The following NEK1 variants were observed in gnomAD, a reference collection of about 807,000 sequenced individuals.
The protein encoded by NEK1 is serine/threonine-protein kinase Nek1.
In NEK1, 137 loss-of-function variants were observed where a neutral mutation model predicts 182.1. That is an observed-to-expected ratio of 0.75 (90% CI 0.65 to 0.87). NEK1 has a LOEUF of 0.87. Among genes scored for constraint, NEK1 ranks in the 40% least tolerant of loss-of-function variants. NEK1 has a pLI of 0.00. For missense variants in NEK1, 1,391 were observed against 1,494.4 expected (o/e 0.93, Z 1.14); for synonymous variants, 513 against 492.2 (o/e 1.04, Z -0.56).
intron 28 of NEK1, among the ~76,000 whole-genome samples, chr4:169,437,161 G>A (rs369295924): frequency 9.9e-5 from 15 of 152,080 alleles, no homozygotes; most frequent in African/African-American, 1.4e-4. Context: ...CCTTGTTTTC[G>A]AAAAGGTGTC....
At chr4:169,477,983 G>A (rs1747284808) in intron 24 of NEK1, among the ~76,000 whole-genome samples, 1 of 152,020 alleles carries the variant, frequency 6.6e-6, no homozygotes, top group African/African-American at 2.4e-5. Flanking sequence ...AGTACTAAAT[G>A]TAATTGAGAA....
At chr4:169,578,677 A>C (rs1766106012) in intron 11 of NEK1, among the ~76,000 whole-genome samples, 3 of 152,182 alleles carry the variant, frequency 2.0e-5, no homozygotes, top group Admixed American at 2.0e-4. Flanking sequence ...AATTGGGGTA[A>C]TTTTTCTTTT....
chr4:169,432,061 TAA>T (rs1035888100), intron 29 of NEK1, among the ~76,000 whole-genome samples: 1 of 144,338 alleles, frequency 6.9e-6, no homozygotes, highest in Non-Finnish European at 1.5e-5. Flanking sequence ...ACGACTAAAT[TAA>T]AAAAAAAAGG....
At chr4:169,505,468 C>T (rs1753091778) in intron 23 of NEK1, among the ~76,000 whole-genome samples, 1 of 152,146 alleles carries the variant, frequency 6.6e-6, no homozygotes, top group Admixed American at 6.5e-5. Flanking sequence ...TGTAAGAATA[C>T]AGCATATAAT....
chr4:169,419,336 G>GA (rs1012373385), intron 31 of NEK1, among the ~76,000 whole-genome samples: 19 of 146,444 alleles, frequency 1.3e-4, no homozygotes, highest in East Asian at 4.0e-4. Context: ...AACAAAATCT[G>GA]AAAAAAAAAA....
At chr4:169,474,314 G>C (rs558737579) in intron 26 of NEK1, among the ~76,000 whole-genome samples, 5 of 152,122 alleles carry the variant, frequency 3.3e-5, no homozygotes, top group African/African-American at 7.2e-5. Context: ...AAACCAATTA[G>C]GTTTTAAAAT....
chr4:169,472,341 C>T (rs1746147551), intron 26 of NEK1, among the ~76,000 whole-genome samples: 1 of 152,114 alleles, frequency 6.6e-6, no homozygotes, highest in Non-Finnish European at 1.5e-5. Context: ...TCAGATAGCA[C>T]CGTCCCTCAC....
intron 18 of NEK1, among the ~76,000 whole-genome samples, chr4:169,541,895 C>G (rs1759485547): frequency 6.6e-6 from 1 of 152,156 alleles, no homozygotes; most frequent in African/African-American, 2.4e-5. Context: ...GAACAGTCCT[C>G]ATATCTGACC....
In NEK1 at chr4:169,418,280, C is replaced by G. The variant is rs192611486; in HGVS notation, c.3222+6273G>C. 4.7e-4 allele frequency among the ~76,000 whole-genome samples: 72 copies of G among 152,240 alleles called. 1 individual carries two copies. Among genetic ancestry groups the G allele is most frequent in the Admixed American group, 2.4e-3 (36 of 15,278 alleles). On this transcript the variant is annotated intron_variant, in intron 31 of 35. Transcript: ENST00000507142. ...CAAAGTTTAAAAGTGTAAAATAGAT[C>G]CACAAGTAACTTGACTAACTTAAAC...
intron 31 of NEK1, among the ~76,000 whole-genome samples, chr4:169,422,804 T>C (rs2111311435): frequency 1.3e-5 from 2 of 152,314 alleles, no homozygotes; most frequent in South Asian, 4.1e-4. Flanking sequence ...CAATCAAATG[T>C]ATTATGCAAA....
At chr4:169,580,650 A>T (rs1766482850) in intron 11 of NEK1, among the ~76,000 whole-genome samples, 192 bp downstream of exon 11, 2 of 152,170 alleles carry the variant, frequency 1.3e-5, no homozygotes, top group South Asian at 4.1e-4. Context: ...TAAAATGAAC[A>T]ATAAATGAGA....
rs1365761943 is a variant in NEK1, at chr4:169,477,131, T to G, written c.2427A>C (p.Thr809=). 6.3e-7 allele frequency: 1 copy of G among 1,589,896 alleles called. No homozygotes were observed. Among genetic ancestry groups the G allele is most frequent in the Non-Finnish European group, 8.6e-7 (1 of 1,165,078 alleles). The change falls in exon 26 of 36, where the codon ACA becomes ACC. Residue 809 remains threonine, a synonymous_variant. Coordinates refer to ENST00000507142, the MANE Select transcript of NEK1 (RefSeq NM_001199397.3). ...ATATACTACTATACATACTTTCAGT[T>G]GTAGAGAAGGATGTATCTAGTGTTA... ...DELTLDTSFS[T]TERHTVGEVI...
intron 11 of NEK1, among the ~76,000 whole-genome samples, 158 bp downstream of exon 11, chr4:169,580,684 G>A (rs571122070): frequency 6.6e-6 from 1 of 151,662 alleles, no homozygotes; most frequent in Non-Finnish European, 1.5e-5. Context: ...ATAAGAAACT[G>A]TATATTGCCA....
intron 5 of NEK1, among the ~76,000 whole-genome samples, chr4:169,594,689 C>A (rs1769133195): frequency 6.6e-6 from 1 of 152,134 alleles, no homozygotes; most frequent in Admixed American, 6.5e-5. Flanking sequence ...AAAAAATTTT[C>A]AGGATACTTC....
chr4:169,430,248 TC>T (rs1171119537), intron 29 of NEK1, among the ~76,000 whole-genome samples: 1 of 152,128 alleles, frequency 6.6e-6, no homozygotes, highest in Non-Finnish European at 1.5e-5. Context: ...AGTGGCGCAA[TC>T]TTGGCTCACC....
intron 18 of NEK1, among the ~76,000 whole-genome samples, chr4:169,545,379 CT>C (rs1451436274): frequency 3.3e-5 from 5 of 151,772 alleles, no homozygotes; most frequent in African/African-American, 4.9e-5. Flanking sequence ...AGGATATGAA[CT>C]CATCATTTTT....
At chr4:169,499,501 T>G (rs900552110) in intron 23 of NEK1, among the ~76,000 whole-genome samples, 4 of 152,222 alleles carry the variant, frequency 2.6e-5, no homozygotes, top group Non-Finnish European at 5.9e-5. Context: ...TTTCCAGTTT[T>G]TCTGCTCTGT....
chr4:169,423,162 T>C (rs1483164442), intron 31 of NEK1, among the ~76,000 whole-genome samples: 1 of 152,162 alleles, frequency 6.6e-6, no homozygotes, highest in Non-Finnish European at 1.5e-5. Context: ...GAGTGCAATA[T>C]TGCAATCTTG....
At chr4:169,409,338 G>A (rs1356323918) in intron 31 of NEK1, among the ~76,000 whole-genome samples, 2 of 151,964 alleles carry the variant, frequency 1.3e-5, no homozygotes, top group Non-Finnish European at 2.9e-5. Context: ...TAGAGACGGG[G>A]TTTCACCATG....
Sources: gnomAD v4.1 joint callset for allele counts (sites outside exome capture counted in the v4.1 genomes callset) on GRCh38, gnomAD v4.1.1 for gene constraint, MANE v1.5 for transcripts, NCBI Gene and HGNC (gene_info 2026-07-23, HGNC 2026-07-21) for gene names.